CCDC91: variants seen among roughly 807,000 people sequenced by gnomAD.
CCDC91 encodes coiled-coil domain containing 91.
In CCDC91, 48 loss-of-function variants were observed where a neutral mutation model predicts 63.2. That is an observed-to-expected ratio of 0.76 (90% CI 0.60 to 0.97). CCDC91 has a LOEUF of 0.97. Ranked by LOEUF, CCDC91 falls within the 50% of genes least tolerant of loss-of-function variation. CCDC91 has a pLI of 0.00. For synonymous variants in CCDC91, 167 were observed against 165.8 expected, an observed-to-expected ratio of 1.01 and a Z score of -0.06; for missense variants, 500 against 494.6, an observed-to-expected ratio of 1.01 and a Z score of -0.10.
At chr12:28,290,382 T>G (rs1458613901) in intron 3 of CCDC91, among the ~76,000 whole-genome samples, 1 of 152,212 alleles carries the variant, frequency 6.6e-6, no homozygotes, top group Non-Finnish European at 1.5e-5. Flanking sequence ...CCCTTTATTT[T>G]GAGCCTATGG....
intron 1 of CCDC91, among the ~76,000 whole-genome samples, chr12:28,220,338 A>G (rs929329056): frequency 6.6e-5 from 10 of 152,234 alleles, no homozygotes; most frequent in East Asian, 1.9e-4. Flanking sequence ...CCACTTATCA[A>G]TATTTTTCCG....
chr12:28,288,404 TGAAG>T (rs1379645314), intron 3 of CCDC91, among the ~76,000 whole-genome samples: 2 of 152,218 alleles, frequency 1.3e-5, no homozygotes, highest in Admixed American at 6.5e-5. Flanking sequence ...GTTTTTAACA[TGAAG>T]GAATGTTGAA....
At chr12:28,447,282 A>G (rs1482115268) in intron 8 of CCDC91, among the ~76,000 whole-genome samples, 4 of 152,074 alleles carry the variant, frequency 2.6e-5, no homozygotes, top group Non-Finnish European at 5.9e-5. Flanking sequence ...GCTATATACT[A>G]TAGAGTTCCA....
At chr12:28,300,685 A>G (rs1455450748) in intron 3 of CCDC91, among the ~76,000 whole-genome samples, 1 of 151,564 alleles carries the variant, frequency 6.6e-6, no homozygotes, top group African/African-American at 2.4e-5. Flanking sequence ...TATTAAGCCT[A>G]TACATTAATT....
intron 1 of CCDC91, among the ~76,000 whole-genome samples, chr12:28,207,538 A>G (rs779342651): frequency 3.3e-5 from 5 of 152,214 alleles, no homozygotes; most frequent in East Asian, 3.9e-4. Flanking sequence ...GTCCTCTTGC[A>G]TGGGAAAGTT....
intron 3 of CCDC91, among the ~76,000 whole-genome samples, chr12:28,278,790 C>A (rs1025266942): frequency 6.6e-6 from 1 of 152,030 alleles, no homozygotes; most frequent in African/African-American, 2.4e-5. Context: ...GGATATGAAT[C>A]CTGGCTTCAC....
intron 7 of CCDC91, among the ~76,000 whole-genome samples, chr12:28,384,200 C>CA (rs1254231256): frequency 2.0e-5 from 3 of 151,944 alleles, no homozygotes; most frequent in Non-Finnish European, 4.4e-5. Context: ...TATTAATAGA[C>CA]AAAGTATCCA....
intron 1 of CCDC91, among the ~76,000 whole-genome samples, chr12:28,219,744 A>G (rs1442339159): frequency 6.6e-6 from 1 of 152,110 alleles, no homozygotes; most frequent in East Asian, 1.9e-4. Context: ...AAGTGCTGGG[A>G]TTACAGGCGT....
chr12:28,199,387 A>G (rs1332152234), intron 1 of CCDC91, among the ~76,000 whole-genome samples: 1 of 152,126 alleles, frequency 6.6e-6, no homozygotes, highest in Non-Finnish European at 1.5e-5. Context: ...TGTAAGTTAC[A>G]TCTTTCTACA....
At chr12:28,317,146 G>C (rs1265638308) in intron 6 of CCDC91, among the ~76,000 whole-genome samples, 1 of 151,874 alleles carries the variant, frequency 6.6e-6, no homozygotes, top group African/African-American at 2.4e-5. Flanking sequence ...CACGTTTTGG[G>C]ACTATTGATG....
chr12:28,449,897 T>A (rs2140324748), intron 8 of CCDC91, among the ~76,000 whole-genome samples: 1 of 152,112 alleles, frequency 6.6e-6, no homozygotes, highest in East Asian at 1.9e-4. Context: ...TTCTGATTAA[T>A]TTTTCAATTT....
At chr12:28,414,053 C>G (rs1947489577) in intron 8 of CCDC91, among the ~76,000 whole-genome samples, 1 of 152,194 alleles carries the variant, frequency 6.6e-6, no homozygotes, top group African/African-American at 2.4e-5. Context: ...AGGGAATCTC[C>G]TCATTCAGGA....
intron 6 of CCDC91, among the ~76,000 whole-genome samples, chr12:28,346,602 TAAG>T (rs1386359607): frequency 6.6e-6 from 1 of 152,148 alleles, no homozygotes; most frequent in Non-Finnish European, 1.5e-5. Context: ...ACCAGTTTAT[TAAG>T]AAGAATATTT....
intron 1 of CCDC91, among the ~76,000 whole-genome samples, chr12:28,252,072 G>A (rs1160009609): frequency 6.6e-6 from 1 of 152,076 alleles, no homozygotes; most frequent in East Asian, 1.9e-4. Flanking sequence ...ATTCCATGCT[G>A]TAAATCATTT....
At chr12:28,511,624 G>A (rs1487185932) in intron 12 of CCDC91, among the ~76,000 whole-genome samples, 13 of 151,880 alleles carry the variant, frequency 8.6e-5, no homozygotes, top group African/African-American at 2.9e-4. Context: ...GATTGAATGA[G>A]AATGGAGGTC....
intron 6 of CCDC91, among the ~76,000 whole-genome samples, chr12:28,343,267 TATA>T (rs965253534): frequency 3.3e-5 from 5 of 151,806 alleles, no homozygotes; most frequent in African/African-American, 1.2e-4. Flanking sequence ...ATTTATCACA[TATA>T]ATAAACAGCA....
At chr12:28,246,452 A>G (rs1438943766) in intron 1 of CCDC91, among the ~76,000 whole-genome samples, 4 of 152,076 alleles carry the variant, frequency 2.6e-5, no homozygotes, top group African/African-American at 9.7e-5. Context: ...TTTTTTTTAC[A>G]GGACCTATTT....
chr12:28,270,800 G>A (rs1351153129), intron 3 of CCDC91, among the ~76,000 whole-genome samples: 1 of 151,976 alleles, frequency 6.6e-6, no homozygotes, highest in Non-Finnish European at 1.5e-5. Flanking sequence ...ATTCTCATTG[G>A]TTATGATCCT....
intron 6 of CCDC91, among the ~76,000 whole-genome samples, chr12:28,336,430 G>A (rs1460916970): frequency 2.0e-5 from 3 of 149,928 alleles, no homozygotes; most frequent in Non-Finnish European, 3.0e-5. Context: ...ATACATATTA[G>A]AAATTTTAGC....
Sources: gnomAD v4.1 joint callset for allele counts (sites outside exome capture counted in the v4.1 genomes callset) on GRCh38, gnomAD v4.1.1 for gene constraint, MANE v1.5 for transcripts, NCBI Gene and HGNC (gene_info 2026-07-23, HGNC 2026-07-21) for gene names.